The following ASIC2 variants were observed in gnomAD, a reference collection of about 807,000 sequenced individuals.
ASIC2 encodes the protein acid-sensing ion channel 2.
ASIC2 carries 25 observed loss-of-function variants against 57.3 expected under a neutral mutation model. The ratio of observed to expected loss-of-function variants is 0.44; its 90% CI spans 0.32 to 0.61. ASIC2 has a LOEUF of 0.61. ASIC2 is among the 20% of genes least tolerant of loss of function. The probability of loss-of-function intolerance (pLI) is 0.06; values close to 1 mark genes in which losing one functional copy is unlikely to be tolerated. For synonymous variants in ASIC2, 319 were observed against 307.5 expected (o/e 1.04, Z -0.39); for missense variants, 641 against 738.1 (o/e 0.87, Z 1.52).
At chr17:33,183,502 T>A (rs1906067559) in intron 1 of ASIC2, among the ~76,000 whole-genome samples, 1 of 152,192 alleles carries the variant, frequency 6.6e-6, no homozygotes, top group Non-Finnish European at 1.5e-5. Context: ...TTGAGAGCCC[T>A]AAAGTTTAGA....
intron 1 of ASIC2, among the ~76,000 whole-genome samples, chr17:33,335,601 G>GACTTA (rs1907482953): frequency 6.6e-6 from 1 of 152,106 alleles, no homozygotes; most frequent in South Asian, 2.1e-4. Flanking sequence ...TATGCGTGGG[G>GACTTA]ACTTACAGGA....
rs577297416 is a variant in ASIC2 at position 33,775,501 on chromosome 17, C to T, written c.555+380477G>A. On this transcript the variant is annotated intron_variant, in intron 1 of 9. Transcript: ENST00000359872. ...GCAAATAACAGGAGATCTGTAGGTG[C>T]GAAACGAATGAAAGGATAAAGTTTG... 1.1e-4 allele frequency among the ~76,000 whole-genome samples: 17 copies of T among 152,168 alleles called. 1 individual carries two copies. The highest frequency in any genetic ancestry group is 3.4e-3 in the Middle Eastern group (1 of 294).
Position 33,233,209 on chromosome 17 carries a change from A to G in ASIC2, c.708+58199T>C, listed in dbSNP as rs542057439. Among the ~76,000 whole-genome samples, 5 of 150,854 alleles carry G rather than the reference A, an allele frequency of 3.3e-5. No homozygotes were observed. In the South Asian group the frequency reaches 1.1e-3, roughly 32 times the overall value. ...AACTTCATCAGTTGAAGACAGCTAC[A>G]CTAGATGATTCCCAAAGCTCCCTTC... On this transcript the variant is annotated intron_variant, in intron 1 of 9. Coordinates refer to ENST00000225823, the MANE Select transcript of ASIC2 (RefSeq NM_183377.2).
intron 1 of ASIC2, among the ~76,000 whole-genome samples, chr17:34,068,343 T>C (rs1386142011): frequency 6.6e-6 from 1 of 152,170 alleles, no homozygotes; most frequent in Non-Finnish European, 1.5e-5. Context: ...GGACTTTCAG[T>C]GCTAATAGAA....
At chr17:33,289,424 C>A (rs1306849848) in intron 1 of ASIC2, among the ~76,000 whole-genome samples, 1 of 152,194 alleles carries the variant, frequency 6.6e-6, no homozygotes, top group Non-Finnish European at 1.5e-5. Flanking sequence ...TGCCAAGACT[C>A]TGATGACCTG....
chr17:33,052,673 C>G lies in ASIC2; in HGVS notation c.988-24281G>C, dbSNP rs748648610. The G allele has an allele frequency of 2.0e-5, 3 of 152,150 alleles. No individual in the cohort carries two copies. The East Asian group carries it at 5.8e-4, about 29-fold the overall frequency. The allele number at this position is 152,150 out of a possible 1,614,324, so 9.4% of individuals were successfully genotyped here. A position where few individuals can be genotyped will look rare whatever the true frequency, so the allele number is the denominator to read the frequency against. On this transcript the variant is annotated intron_variant, in intron 3 of 9. Coordinates refer to ENST00000225823, the MANE Select transcript of ASIC2 (RefSeq NM_183377.2). Reference sequence around the variant, plus strand: ...GTTGGGGTCTTTGGGTCGGGGGTGGCTAGGCAAATCGTGCCCACTGAGCTC... The same window carrying G: ...GTTGGGGTCTTTGGGTCGGGGGTGGGTAGGCAAATCGTGCCCACTGAGCTC...
Position 33,292,550 on chromosome 17 carries a change from G to T in ASIC2, c.-435C>A, listed in dbSNP as rs1905537130. 4 of 985,672 alleles carry T rather than the reference G, an allele frequency of 4.1e-6. No homozygotes were observed. The highest frequency in any genetic ancestry group is 3.6e-6 in the Non-Finnish European group (3 of 830,290). 61.1% of individuals were successfully genotyped at this position (985,672 alleles called of 1,614,324 possible). ...TGCCCCGCCTAACCCCAGCTTTTACGCTGGTCCTGGGAGAAGGGCCACTCG... is the reference window on the plus strand; with the variant it reads ...TGCCCCGCCTAACCCCAGCTTTTACTCTGGTCCTGGGAGAAGGGCCACTCG... On this transcript the variant is annotated 5_prime_UTR_variant, in exon 1 of 10. Coordinates refer to ENST00000225823, the MANE Select transcript of ASIC2 (RefSeq NM_183377.2).
At chr17:33,618,585 T>C (rs1905679359) in intron 1 of ASIC2, among the ~76,000 whole-genome samples, 1 of 152,160 alleles carries the variant, frequency 6.6e-6, no homozygotes, top group South Asian at 2.1e-4. Flanking sequence ...TTTGCATTCT[T>C]TCTCCTCCTC....
intron 1 of ASIC2, among the ~76,000 whole-genome samples, chr17:34,053,678 A>T (rs1247763696): frequency 6.6e-6 from 1 of 152,244 alleles, no homozygotes; most frequent in Non-Finnish European, 1.5e-5. Flanking sequence ...TGAGAGACAG[A>T]GAAATTAGGT....
At position 33,779,126 on chromosome 17, in the gene ASIC2, A is replaced by C. The variant is rs574730020; in HGVS notation, c.555+376852T>G. On this transcript the variant is annotated intron_variant, in intron 1 of 9. Transcript: ENST00000359872. The stretch of plus-strand genomic sequence containing the variant: ...AATAAGCCATGCAGGACGGCCATGC[A>C]ATCAGAAGGATGCCATTCCAGGGTA... 2.0e-4 allele frequency among the ~76,000 whole-genome samples: 30 copies of C among 152,304 alleles called. No homozygotes were observed. In the South Asian group the frequency reaches 6.2e-3, roughly 32 times the overall value.
chr17:33,332,553 C>T (rs1449363886), intron 1 of ASIC2, among the ~76,000 whole-genome samples: 2 of 152,140 alleles, frequency 1.3e-5, no homozygotes, highest in African/African-American at 4.8e-5. Flanking sequence ...TTGGACAAGG[C>T]TGCTTTAGAT....
chr17:34,039,017 T>C (rs1907998004), intron 1 of ASIC2: 2 of 1,614,106 alleles, frequency 1.2e-6, no homozygotes, highest in African/African-American at 2.7e-5. Context: ...CTCTTATCTC[T>C]ACACGCCATC....
At chr17:33,805,867 C>T (rs183225299) in intron 1 of ASIC2, among the ~76,000 whole-genome samples, 1 of 152,336 alleles carries the variant, frequency 6.6e-6, no homozygotes, top group East Asian at 1.9e-4. Flanking sequence ...GCTAATATTA[C>T]ATGGAACACG....
chr17:33,737,476 G>A (rs993992723), intron 1 of ASIC2, among the ~76,000 whole-genome samples: 27 of 149,494 alleles, frequency 1.8e-4, no homozygotes, highest in South Asian at 8.5e-4. Context: ...ACATTTGAAC[G>A]GATTAGAAAT....
At chr17:33,993,355 C>A (rs1906058140) in intron 1 of ASIC2, among the ~76,000 whole-genome samples, 1 of 152,110 alleles carries the variant, frequency 6.6e-6, no homozygotes, top group African/African-American at 2.4e-5. Context: ...CTTGACTTGT[C>A]CAAAAGAGAA....
At chr17:33,893,911 G>A (rs8066797) in intron 1 of ASIC2, among the ~76,000 whole-genome samples, 19,160 of 152,084 alleles carry the variant, frequency 0.13, 1,261 homozygotes, top group South Asian at 0.2. Flanking sequence ...ATTTGTTGAG[G>A]GTTTTGGAGA....
At chr17:33,081,821 G>A (rs1387711188) in intron 3 of ASIC2, among the ~76,000 whole-genome samples, 2 of 152,178 alleles carry the variant, frequency 1.3e-5, no homozygotes, top group Non-Finnish European at 2.9e-5. Context: ...CCCTTCAAAT[G>A]GTGGAAATGT....
At chr17:33,033,895 G>A (rs1040196653) in intron 3 of ASIC2, among the ~76,000 whole-genome samples, 2 of 152,170 alleles carry the variant, frequency 1.3e-5, no homozygotes, top group Non-Finnish European at 2.9e-5. Context: ...GCAGAACAGA[G>A]AATGGCCAGA....
At chr17:34,015,511 G>A (rs1009208867) in intron 1 of ASIC2, among the ~76,000 whole-genome samples, 3 of 152,194 alleles carry the variant, frequency 2.0e-5, no homozygotes, top group African/African-American at 4.8e-5. Context: ...GCCCAGGGGC[G>A]AGGCTCTGCT....
Sources: gnomAD v4.1 joint callset for allele counts (sites outside exome capture counted in the v4.1 genomes callset) on GRCh38, gnomAD v4.1.1 for gene constraint, MANE v1.5 for transcripts, NCBI Gene and HGNC (gene_info 2026-07-23, HGNC 2026-07-21) for gene names.